Variants in THSD7A observed in about 807,000 individuals in gnomAD.
THSD7A encodes thrombospondin type-1 domain-containing protein 7A.
A neutral mutation model predicts 231.3 loss-of-function variants in THSD7A; 96 were observed. The observed-to-expected ratio is 0.41, with a 90% CI of 0.35 to 0.49. The LOEUF (loss-of-function observed/expected upper bound fraction) is 0.49, where lower values mean the gene tolerates loss of function less well. THSD7A is among the 20% of genes least tolerant of loss of function. The pLI is 0.05. For missense variants in THSD7A, 2,290 were observed against 2,070.2 expected (o/e 1.11, Z -2.06); for synonymous variants, 940 against 743.3 (o/e 1.26, Z -4.30).
chr7:11,692,512 G>A (rs1005065211), intron 1 of THSD7A, among the ~76,000 whole-genome samples: 2 of 151,430 alleles, frequency 1.3e-5, no homozygotes, highest in Non-Finnish European at 3.0e-5. Flanking sequence ...TAAAATATGA[G>A]GCAGATGCGT....
At chr7:11,642,511 C>T (rs1725449) in intron 1 of THSD7A, among the ~76,000 whole-genome samples, 23,449 of 152,066 alleles carry the variant, frequency 0.15, 1,934 homozygotes, top group Admixed American at 0.21. Context: ...GGTCAATAAA[C>T]ATGTGCAGAA....
At chr7:11,593,136 T>C in intron 3 of THSD7A, 118 bp downstream of exon 3, 1 of 1,377,716 alleles carries the variant, frequency 7.3e-7, no homozygotes, top group Non-Finnish European at 9.7e-7. Context: ...AGGATACTGT[T>C]TGTAAAGATA....
intron 1 of THSD7A, among the ~76,000 whole-genome samples, chr7:11,788,136 T>A (rs1783846035): frequency 6.6e-6 from 1 of 152,096 alleles, no homozygotes; most frequent in Non-Finnish European, 1.5e-5. Flanking sequence ...ATCTTTTGCA[T>A]CTAATCCTTC....
intron 23 of THSD7A, among the ~76,000 whole-genome samples, chr7:11,397,874 A>G (rs140622152): frequency 0.017 from 2,574 of 152,290 alleles, 36 homozygotes; most frequent in South Asian, 0.047. Flanking sequence ...CAATTAGAAT[A>G]GTGATCATTT....
intron 1 of THSD7A, among the ~76,000 whole-genome samples, chr7:11,758,697 T>C (rs979666164): frequency 7.2e-5 from 11 of 152,106 alleles, no homozygotes; most frequent in African/African-American, 2.4e-4. Context: ...AAAAGTATCC[T>C]ATGAGAGTTC....
At chr7:11,398,815 C>T (rs772814966) in intron 23 of THSD7A, among the ~76,000 whole-genome samples, 4 of 152,174 alleles carry the variant, frequency 2.6e-5, no homozygotes, top group African/African-American at 4.8e-5. Flanking sequence ...GGGAGACTCA[C>T]ATTTATTAGT....
At chr7:11,768,940 T>G (rs1255891210) in intron 1 of THSD7A, among the ~76,000 whole-genome samples, 2 of 83,804 alleles carry the variant, frequency 2.4e-5, no homozygotes, top group South Asian at 3.6e-4. Context: ...TTAATGGTTT[T>G]GTTTTGTTTT....
intron 7 of THSD7A, among the ~76,000 whole-genome samples, chr7:11,477,999 G>C (rs1786264166): frequency 6.6e-6 from 1 of 152,050 alleles, no homozygotes; most frequent in Non-Finnish European, 1.5e-5. Flanking sequence ...CAATTCCAAT[G>C]CTGTACCACA....
At chr7:11,817,759 C>T (rs1471794590) in intron 1 of THSD7A, among the ~76,000 whole-genome samples, 2 of 152,116 alleles carry the variant, frequency 1.3e-5, no homozygotes, top group South Asian at 2.1e-4. Flanking sequence ...TATCATATCA[C>T]ATGGTATAGC....
intron 4 of THSD7A, among the ~76,000 whole-genome samples, chr7:11,585,324 T>C: frequency 6.6e-6 from 1 of 152,184 alleles, no homozygotes; most frequent in Non-Finnish European, 1.5e-5. Flanking sequence ...AAAGCTGTTC[T>C]CTCCCACAAG....
intron 4 of THSD7A, among the ~76,000 whole-genome samples, chr7:11,576,330 A>G (rs1790903328): frequency 6.6e-6 from 1 of 152,232 alleles, no homozygotes; most frequent in Non-Finnish European, 1.5e-5. Context: ...CTGCGCATAA[A>G]CAATGCTTGA....
At chr7:11,517,230 C>G (rs796322373) in intron 6 of THSD7A, among the ~76,000 whole-genome samples, 2 of 152,160 alleles carry the variant, frequency 1.3e-5, no homozygotes, top group African/African-American at 4.8e-5. Flanking sequence ...AGGTGCCCAC[C>G]ACCATGCCCA....
chr7:11,709,908 A>G (rs753036346), intron 1 of THSD7A, among the ~76,000 whole-genome samples: 22 of 150,798 alleles, frequency 1.5e-4, no homozygotes, highest in Admixed American at 1.3e-4. Flanking sequence ...GCAAACATGC[A>G]TTCCTGCTTG....
chr7:11,470,891 T>C (rs1277782929), intron 8 of THSD7A, among the ~76,000 whole-genome samples: 1 of 151,926 alleles, frequency 6.6e-6, no homozygotes, highest in East Asian at 1.9e-4. Flanking sequence ...ATATAAGCTT[T>C]CACTTCTTAA....
chr7:11,571,107 A>G (rs1474227430), intron 4 of THSD7A, among the ~76,000 whole-genome samples: 1 of 152,130 alleles, frequency 6.6e-6, no homozygotes, highest in African/African-American at 2.4e-5. Context: ...AGGACACATC[A>G]GTTGGTCAGG....
chr7:11,679,205 A>G (rs977565286), intron 1 of THSD7A, among the ~76,000 whole-genome samples: 1 of 152,222 alleles, frequency 6.6e-6, no homozygotes, highest in Non-Finnish European at 1.5e-5. Context: ...ATCTCAAAAT[A>G]ATAAGAGCTA....
intron 1 of THSD7A, among the ~76,000 whole-genome samples, chr7:11,791,875 AC>A (rs1783961662): frequency 6.6e-6 from 1 of 151,838 alleles, no homozygotes; most frequent in Non-Finnish European, 1.5e-5. Context: ...TTTCTTGCCT[AC>A]CATTTGCTTT....
chr7:11,394,419 G>A (rs1220007241), intron 23 of THSD7A, among the ~76,000 whole-genome samples: 1 of 152,122 alleles, frequency 6.6e-6, no homozygotes, highest in Non-Finnish European at 1.5e-5. Context: ...CAGTCAGAGT[G>A]GTGGGAGAAA....
intron 8 of THSD7A, among the ~76,000 whole-genome samples, chr7:11,470,529 T>C: frequency 6.6e-6 from 1 of 151,822 alleles, no homozygotes; most frequent in East Asian, 1.9e-4. Context: ...AAACTACATA[T>C]TTAATAATAA....
Sources: gnomAD v4.1 joint callset for allele counts (sites outside exome capture counted in the v4.1 genomes callset) on GRCh38, gnomAD v4.1.1 for gene constraint, MANE v1.5 for transcripts, NCBI Gene and HGNC (gene_info 2026-07-23, HGNC 2026-07-21) for gene names.